KLRD1: variants seen among roughly 807,000 people sequenced by gnomAD.
The protein encoded by KLRD1 is natural killer cells antigen CD94.
KLRD1 carries 21 observed loss-of-function variants against 22.6 expected under a neutral mutation model. The ratio of observed to expected loss-of-function variants is 0.93; its 90% CI spans 0.66 to 1.34. The LOEUF is 1.34. Among genes scored for constraint, KLRD1 ranks in the 40% most tolerant of loss-of-function variants. The pLI is 0.00. For synonymous variants in KLRD1, 59 were observed against 71.1 expected, an observed-to-expected ratio of 0.83 and a Z score of 0.85; for missense variants, 183 against 208.6, an observed-to-expected ratio of 0.88 and a Z score of 0.76.
In KLRD1 at chr12:10,239,488, C is replaced by CCTT. The variant is rs1565443276; in HGVS notation, c.-101+13257_-101+13259dup. Among the ~76,000 whole-genome samples, 41 of 114,152 alleles carry CCTT rather than the reference C, an allele frequency of 3.6e-4. 1 individual carries two copies. The highest frequency in any genetic ancestry group is 1.9e-3 in the African/African-American group (38 of 20,508). 74.9% of individuals were successfully genotyped at this position (114,152 alleles called of 152,430 possible). A position where few individuals can be genotyped will look rare whatever the true frequency, so the allele number is the denominator to read the frequency against. On this transcript the variant is annotated intron_variant, in intron 1 of 5. Coordinates refer to the KLRD1 transcript ENST00000544747. ...TTCCTTCCTTCCTTCCTTCCTTCTT[C>CCTT]CTTCCTTCCTTCCTTCCCTCCTTCC... is the stretch of plus-strand genomic sequence containing the variant.
upstream of KLRD1, among the ~76,000 whole-genome samples, chr12:10,303,887 G>A (rs1282149053): frequency 6.6e-6 from 1 of 152,100 alleles, no homozygotes; most frequent in East Asian, 1.9e-4. Flanking sequence ...GCCTACAGAT[G>A]CAAAAGTCTG....
At chr12:10,253,535 C>A (rs183078614) in intron 1 of KLRD1, among the ~76,000 whole-genome samples, 1 of 149,970 alleles carries the variant, frequency 6.7e-6, no homozygotes, top group Non-Finnish European at 1.5e-5. Context: ...ACCCAGTACC[C>A]AATAGATACC....
chr12:10,324,283 T>A lies in KLRD1; in HGVS notation c.*9490T>A, dbSNP rs1444149883. The A allele has an allele frequency of 6.6e-6, 1 of 152,214 alleles. No homozygotes were observed. The highest frequency in any genetic ancestry group is 1.5e-5 in the Non-Finnish European group (1 of 68,042). 9.4% of individuals were successfully genotyped at this position (152,214 alleles called of 1,614,324 possible). On this transcript the variant is annotated 3_prime_UTR_variant, in exon 6 of 6. Coordinates refer to ENST00000336164, the MANE Select transcript of KLRD1 (RefSeq NM_002262.5). ...GGTTCAGGGTATATATGTAGGCTTCTTATATGAGTACATTGCATGTTGCAG... is the reference window on the plus strand; with the variant it reads ...GGTTCAGGGTATATATGTAGGCTTCATATATGAGTACATTGCATGTTGCAG...
rs1950272275 is a variant in KLRD1, at chr12:10,318,237, GCTAA to G, written c.*3452_*3455del. 1 of 152,174 alleles carries G rather than the reference GCTAA, an allele frequency of 6.6e-6. No homozygotes were observed. The highest frequency in any genetic ancestry group is 2.4e-5 in the African/African-American group (1 of 41,448). 9.4% of individuals were successfully genotyped at this position (152,174 alleles called of 1,614,324 possible). A position where few individuals can be genotyped will look rare whatever the true frequency, so the allele number is the denominator to read the frequency against. On this transcript the variant is annotated 3_prime_UTR_variant, in exon 6 of 6. Coordinates refer to ENST00000336164, the MANE Select transcript of KLRD1 (RefSeq NM_002262.5). Reference sequence around the variant, plus strand: ...CTCTTGGCCATGATATGGGTAGTAGGCTAACTAACTAGCTAACAAATGGTTTATG... The same window carrying G: ...CTCTTGGCCATGATATGGGTAGTAGGCTAACTAGCTAACAAATGGTTTATG...
intron 1 of KLRD1, among the ~76,000 whole-genome samples, chr12:10,272,358 A>C (rs574046850): frequency 6.6e-6 from 1 of 152,172 alleles, no homozygotes; most frequent in Non-Finnish European, 1.5e-5. Context: ...TTACTTACCA[A>C]ACTATAATTT....
chr12:10,261,796 C>A (rs1405912466), intron 1 of KLRD1, among the ~76,000 whole-genome samples: 1 of 152,026 alleles, frequency 6.6e-6, no homozygotes, highest in Non-Finnish European at 1.5e-5. Context: ...CTTATTAATA[C>A]AACAATGGCA....
rs191116592 is a variant in KLRD1 at position 10,252,755 on chromosome 12, G to T, written c.-101+26522G>T. Among the ~76,000 whole-genome samples, 26 of 152,230 alleles carry T rather than the reference G, an allele frequency of 1.7e-4. No homozygotes were observed. The East Asian group carries it at 5.0e-3, about 29-fold the overall frequency. On this transcript the variant is annotated intron_variant, in intron 1 of 5. Transcript: ENST00000544747. ...AGAGGAATAACTTTCAGAGGAAGGT[G>T]ATTCAAGTGAACCAAGACATGACAC...
chr12:10,270,274 A>C (rs1000587917), intron 1 of KLRD1, among the ~76,000 whole-genome samples: 2 of 152,220 alleles, frequency 1.3e-5, no homozygotes, highest in African/African-American at 4.8e-5. Flanking sequence ...TATCTTGATG[A>C]AAACCTTAGA....
intron 1 of KLRD1, among the ~76,000 whole-genome samples, chr12:10,246,928 C>CTTTTTTTTTTTTTTTT (rs1208226436): frequency 7.7e-6 from 1 of 129,688 alleles, no homozygotes; most frequent in African/African-American, 2.9e-5. Context: ...CTTTTCTTTT[C>CTTTTTTTTTTTTTTTT]TTTTCTTTTT....
intron 1 of KLRD1, among the ~76,000 whole-genome samples, chr12:10,248,390 G>A (rs1392992886): frequency 6.6e-6 from 1 of 152,078 alleles, no homozygotes; most frequent in African/African-American, 2.4e-5. Flanking sequence ...TTATGGCACA[G>A]AAAACAATAT....
chr12:10,288,805 CTTTTT>C (rs922292287), intron 1 of KLRD1, among the ~76,000 whole-genome samples: 2 of 152,098 alleles, frequency 1.3e-5, no homozygotes, highest in African/African-American at 4.8e-5. Context: ...TTATAAGACT[CTTTTT>C]TTAAGATTTA....
Position 10,310,022 on chromosome 12 carries a change from C to G in KLRD1, c.163+334C>G, listed in dbSNP as rs117239717. Among the ~76,000 whole-genome samples the G allele has an allele frequency of 3.7e-3, 563 of 152,298 alleles. 16 individuals are homozygous for G. The East Asian group carries it at 0.063, about 17-fold the overall frequency. On this transcript the variant is annotated intron_variant, in intron 3 of 5. Transcript: ENST00000336164. ...TTACCTGCCTGAATTTGCTTATAAC[C>G]TATACTTTTGCATCTCACTACTTTT... is the stretch of plus-strand genomic sequence containing the variant.
chr12:10,257,225 T>A (rs1483454897), intron 1 of KLRD1, among the ~76,000 whole-genome samples: 2 of 150,960 alleles, frequency 1.3e-5, no homozygotes, highest in Non-Finnish European at 3.0e-5. Flanking sequence ...TCTTTTCATT[T>A]ATGCTACTTG....
At chr12:10,288,466 ACT>A (rs1251902958) in intron 1 of KLRD1, among the ~76,000 whole-genome samples, 1 of 152,056 alleles carries the variant, frequency 6.6e-6, no homozygotes, top group Non-Finnish European at 1.5e-5. Flanking sequence ...ATGCAAAATG[ACT>A]CTCTAGATTT....
In KLRD1 at chr12:10,316,330, G is replaced by C. The variant is rs1234845823; in HGVS notation, c.*1537G>C. On this transcript the variant is annotated 3_prime_UTR_variant, in exon 6 of 6. Coordinates refer to ENST00000336164, the MANE Select transcript of KLRD1 (RefSeq NM_002262.5). ...AAACCACTTTAGAGTTATGCCTACT[G>C]TACCCACATAATCCTAAAAATATGT... The C allele has an allele frequency of 6.6e-6, 1 of 152,042 alleles. No individual in the cohort carries two copies. The highest frequency in any genetic ancestry group is 1.5e-5 in the Non-Finnish European group (1 of 68,020). 9.4% of individuals were successfully genotyped at this position (152,042 alleles called of 1,614,324 possible).
chr12:10,314,479 T>C (rs11053742), intron 5 of KLRD1, among the ~76,000 whole-genome samples, 194 bp from the exon 6 acceptor site: 6,439 of 152,156 alleles, frequency 0.042, 458 homozygotes, highest in African/African-American at 0.15. Context: ...TGCTATTGAT[T>C]AGTGAGAAAA....
intron 1 of KLRD1, among the ~76,000 whole-genome samples, chr12:10,240,472 TTC>T (rs1354972576): frequency 6.6e-6 from 1 of 152,182 alleles, no homozygotes; most frequent in Non-Finnish European, 1.5e-5. Flanking sequence ...TTCACTTACG[TTC>T]TCTGCTCCCA....
chr12:10,266,370 T>C (rs1400106392), intron 1 of KLRD1, among the ~76,000 whole-genome samples: 1 of 152,154 alleles, frequency 6.6e-6, no homozygotes, highest in African/African-American at 2.4e-5. Context: ...GGGCAAAGGA[T>C]GTATTTTAAA....
chr12:10,256,387 C>T (rs574651651), intron 1 of KLRD1, among the ~76,000 whole-genome samples: 2 of 147,378 alleles, frequency 1.4e-5, no homozygotes, highest in South Asian at 4.2e-4. Flanking sequence ...TATTTTCCCA[C>T]TCATTTTTTC....
Sources: allele counts gnomAD v4.1 joint callset (sites outside exome capture counted in the v4.1 genomes callset), GRCh38; gene constraint gnomAD v4.1.1; transcripts MANE v1.5; gene names NCBI Gene and HGNC (gene_info 2026-07-23, HGNC 2026-07-21).